OR1L8: variants seen among roughly 807,000 people sequenced by gnomAD.
OR1L8 encodes olfactory receptor 1L8.
For synonymous variants in OR1L8, 148 were observed against 147.0 expected (o/e 1.01, Z -0.05); for missense variants, 330 against 377.4 (o/e 0.87, Z 1.04).
the OR1L8 span, among the ~76,000 whole-genome samples, chr9:122,560,228 A>T: frequency 0.028 from 4,285 of 151,798 alleles, 191 homozygotes; most frequent in African/African-American, 0.098. Flanking sequence ...GTTTCTTTGC[A>T]CGTGAGATGG....
chr9:122,567,869 T>C lies in OR1L8; in HGVS notation c.609A>G (p.Glu203=), dbSNP rs757036843. 74 of 1,613,946 alleles carry C rather than the reference T, an allele frequency of 4.6e-5. No homozygotes were observed. Among genetic ancestry groups the C allele is most frequent in the Non-Finnish European group, 6.0e-5 (71 of 1,179,936 alleles). The change falls in exon 5 of 5, where the codon GAA becomes GAG. Residue 203 remains glutamate (E), a synonymous_variant. Transcript: ENST00000641027. ...IFVNEIVQMT[E]APIVLVTRFL... ...AACGAGTCACCAAAACAATAGGTGCTTCTGTCATCTGCACAATTTCATTGA... is the reference window on the plus strand; with the variant it reads ...AACGAGTCACCAAAACAATAGGTGCCTCTGTCATCTGCACAATTTCATTGA...
At chr9:122,547,158 T>A in the OR1L8 span, among the ~76,000 whole-genome samples, 1 of 151,992 alleles carries the variant, frequency 6.6e-6, no homozygotes, top group African/African-American at 2.4e-5. Context: ...ATGGAATGAC[T>A]AGTAAAGAAA....
chr9:122,547,119 T>TA, the OR1L8 span, among the ~76,000 whole-genome samples: 108,300 of 151,198 alleles, frequency 0.72, 38,956 homozygotes, highest in Middle Eastern at 0.84. Flanking sequence ...GTGAGCCACA[T>TA]AAAAAAATAA....
the OR1L8 span, among the ~76,000 whole-genome samples, chr9:122,560,793 T>C: frequency 6.6e-6 from 1 of 152,158 alleles, no homozygotes; most frequent in Non-Finnish European, 1.5e-5. Context: ...GAGAATTTGA[T>C]GATTATGTGT....
In OR1L8 at chr9:122,567,384, G is replaced by A. The variant is rs1564199100; in HGVS notation, c.*164C>T. ...GATTGTGATTTAAGAGATACAGGCC[G>A]AATTGTTGGGTCATCATCAATGGAT... On this transcript the variant is annotated 3_prime_UTR_variant, in exon 5 of 5. Transcript: ENST00000641027. The A allele has an allele frequency of 5.8e-6, 3 of 515,100 alleles. No homozygotes were observed. The highest frequency in any genetic ancestry group is 1.0e-5 in the Non-Finnish European group (3 of 295,540). 31.9% of individuals were successfully genotyped at this position (515,100 alleles called of 1,614,324 possible).
chr9:122,567,455 G>T lies in OR1L8; in HGVS notation c.*93C>A, dbSNP rs1384346043. 2.1e-6 allele frequency: 2 copies of T among 942,112 alleles called. No homozygotes were observed. The highest frequency in any genetic ancestry group is 1.6e-6 in the Non-Finnish European group (1 of 621,520). The allele number at this position is 942,112 out of a possible 1,614,324, so 58.4% of individuals were successfully genotyped here. On this transcript the variant is annotated 3_prime_UTR_variant, in exon 5 of 5. Coordinates refer to ENST00000641027, the MANE Select transcript of OR1L8 (RefSeq NM_001004454.2). ...TGTCTCACATGGGTCAGAAGTGCTA[G>T]CTTCCAACAGCTTTGACTGTTCACC... is the stretch of plus-strand genomic sequence containing the variant.
intron 4 of OR1L8, among the ~76,000 whole-genome samples, chr9:122,571,547 CAA>C (rs59592725): frequency 0.18 from 22,835 of 126,724 alleles, 2,288 homozygotes; most frequent in African/African-American, 0.29. Flanking sequence ...CAGACTGTCT[CAA>C]AAAAAAAAAA....
chr9:122,546,850 T>C, the OR1L8 span, among the ~76,000 whole-genome samples: 1 of 152,182 alleles, frequency 6.6e-6, no homozygotes, highest in Non-Finnish European at 1.5e-5. Flanking sequence ...TAATTGTATG[T>C]ATTCGGGGGG....
At chr9:122,548,247 A>C in the OR1L8 span, among the ~76,000 whole-genome samples, 1 of 152,204 alleles carries the variant, frequency 6.6e-6, no homozygotes. Flanking sequence ...GACAAGGCAA[A>C]GGGGTTTGGG....
chr9:122,569,323 T>C (rs1276236060), intron 4 of OR1L8, among the ~76,000 whole-genome samples: 1 of 149,742 alleles, frequency 6.7e-6, no homozygotes, highest in Non-Finnish European at 1.5e-5. Context: ...TAATTTATCT[T>C]TTACGTGTTA....
chr9:122,553,451 CATCCCCAA>C, the OR1L8 span: 1 of 1,614,174 alleles, frequency 6.2e-7, no homozygotes, highest in Non-Finnish European at 8.5e-7. Context: ...CTTCTGCCTC[CATCCCCAA>C]AATGCTGGCC....
chr9:122,560,110 G>A, the OR1L8 span, among the ~76,000 whole-genome samples: 12 of 151,674 alleles, frequency 7.9e-5, no homozygotes, highest in Non-Finnish European at 1.8e-4. Context: ...TTTTATTTTT[G>A]TTGGTTTAAA....
chr9:122,578,049 A>C (rs1829687254), intron 2 of OR1L8, among the ~76,000 whole-genome samples: 1 of 152,270 alleles, frequency 6.6e-6, no homozygotes, highest in African/African-American at 2.4e-5. Context: ...AATGTAAATT[A>C]GTACAACCAC....
chr9:122,552,798 T>TGTGTGTGTGTGTGTGTG, the OR1L8 span, among the ~76,000 whole-genome samples: 1 of 70,272 alleles, frequency 1.4e-5, no homozygotes, highest in African/African-American at 5.5e-5. Context: ...GTGTGTGTGT[T>TGTGTGTGTGTGTGTGTG]GGAGGAGGGG....
the OR1L8 span, among the ~76,000 whole-genome samples, chr9:122,560,599 T>C: frequency 3.3e-5 from 5 of 152,196 alleles, no homozygotes; most frequent in African/African-American, 1.2e-4. Flanking sequence ...TTAGTTTGGC[T>C]GGATATGAAA....
chr9:122,563,277 T>C (rs143109385), downstream of OR1L8, among the ~76,000 whole-genome samples: 13 of 152,288 alleles, frequency 8.5e-5, no homozygotes, highest in African/African-American at 2.9e-4. Context: ...ATTTTTAAAT[T>C]TTATGGATAC....
the OR1L8 span, among the ~76,000 whole-genome samples, chr9:122,561,268 G>C: frequency 1.3e-5 from 2 of 152,060 alleles, no homozygotes; most frequent in Admixed American, 1.3e-4. Flanking sequence ...TAGCTTCTTT[G>C]CATTGGGTTA....
At chr9:122,576,369 G>T (rs377711287) in intron 3 of OR1L8, among the ~76,000 whole-genome samples, 1 of 150,756 alleles carries the variant, frequency 6.6e-6, no homozygotes, top group African/African-American at 2.4e-5. Flanking sequence ...TTACAGGTGT[G>T]AGCCACCACG....
At chr9:122,553,657 G>C in the OR1L8 span, 1 of 1,614,090 alleles carries the variant, frequency 6.2e-7, no homozygotes, top group South Asian at 1.1e-5. Context: ...CTAATGCTGG[G>C]TGTGTGCTGG....
Sources: allele counts gnomAD v4.1 joint callset (sites outside exome capture counted in the v4.1 genomes callset), GRCh38; gene constraint gnomAD v4.1.1; transcripts MANE v1.5; gene names NCBI Gene and HGNC (gene_info 2026-07-23, HGNC 2026-07-21).